CASD1: variants seen among roughly 807,000 people sequenced by gnomAD.
CASD1 encodes N-acetylneuraminate (7)9-O-acetyltransferase.
CASD1 carries 41 observed loss-of-function variants against 100.0 expected under a neutral mutation model. The observed-to-expected ratio is 0.41, with a 90% CI of 0.32 to 0.53. The LOEUF (loss-of-function observed/expected upper bound fraction) is 0.53, where lower values mean the gene tolerates loss of function less well. Among genes scored for constraint, CASD1 ranks in the 20% least tolerant of loss-of-function variants. The pLI is 0.25. For synonymous variants in CASD1, 321 were observed against 315.6 expected, an observed-to-expected ratio of 1.02 and a Z score of -0.18; for missense variants, 774 against 948.7, an observed-to-expected ratio of 0.82 and a Z score of 2.42.
Position 94,518,224 on chromosome 7 carries a change from A to G in CASD1, c.252A>G (p.Val84=), listed in dbSNP as rs1406935605. ...YKISEAKNCL[V]DKHIAFIGDS... is the part of the protein sequence containing the mutation. The stretch of plus-strand genomic sequence containing the variant: ...TCAGTGAAGCAAAGAACTGCCTTGT[A>G]GATAAACATATTGCATTTATTGGAG... The change falls in exon 3 of 18, where the codon GTA becomes GTG. Residue 84 remains valine (V), a synonymous_variant. Coordinates refer to ENST00000297273, the MANE Select transcript of CASD1 (RefSeq NM_022900.5). 1.3e-6 allele frequency: 2 copies of G among 1,562,192 alleles called. No homozygotes were observed. Among genetic ancestry groups the G allele is most frequent in the African/African-American group, 2.8e-5 (2 of 71,926 alleles).
the CASD1 span, among the ~76,000 whole-genome samples, chr7:94,595,487 T>C: frequency 2.0e-5 from 3 of 152,148 alleles, no homozygotes; most frequent in Admixed American, 2.0e-4. Context: ...TTAGTATGAA[T>C]GTGAAGATGA....
the CASD1 span, among the ~76,000 whole-genome samples, chr7:94,591,842 G>A: frequency 6.6e-6 from 1 of 152,102 alleles, no homozygotes; most frequent in Non-Finnish European, 1.5e-5. Context: ...CAAGAAATTC[G>A]GAGAAGATGC....
chr7:94,578,624 C>A, the CASD1 span, among the ~76,000 whole-genome samples: 3 of 152,178 alleles, frequency 2.0e-5, no homozygotes, highest in Admixed American at 6.6e-5. Flanking sequence ...GAGGTCTAAA[C>A]CCTGACCTGA....
intron 11 of CASD1, 143 bp from the exon 12 acceptor site, chr7:94,545,402 G>T: frequency 1.9e-6 from 1 of 515,156 alleles, no homozygotes. Flanking sequence ...TAATTTAAGG[G>T]ATTAGTAATA....
At chr7:94,523,933 G>A (rs1223116964) in intron 3 of CASD1, among the ~76,000 whole-genome samples, 1 of 152,074 alleles carries the variant, frequency 6.6e-6, no homozygotes, top group Admixed American at 6.6e-5. Context: ...TGCCATTGAT[G>A]ATCTCTAGGG....
chr7:94,513,535 T>C (rs969758659), intron 1 of CASD1, among the ~76,000 whole-genome samples: 2 of 152,188 alleles, frequency 1.3e-5, no homozygotes, highest in Non-Finnish European at 2.9e-5. Flanking sequence ...GACTTCTCTC[T>C]TGAAAGAAAA....
the CASD1 span, among the ~76,000 whole-genome samples, chr7:94,610,112 C>A: frequency 2.0e-3 from 309 of 152,252 alleles, no homozygotes; most frequent in Non-Finnish European, 3.4e-3. Context: ...TATGGAAAGG[C>A]TACAGACTAC....
intron 10 of CASD1, among the ~76,000 whole-genome samples, chr7:94,541,569 CCCTTGGAGAGTTTGTAAGTAACTT>C (rs1795404623): frequency 6.8e-5 from 2 of 29,526 alleles, no homozygotes; most frequent in African/African-American, 1.8e-4. Context: ...TTTTTTTTTG[CCCTTGGAGAGTTTGTAAGTAACTT>C]CCATGGAAAG....
the CASD1 span, chr7:94,627,654 C>T: frequency 6.5e-6 from 1 of 152,678 alleles, no homozygotes; most frequent in Admixed American, 6.5e-5. Flanking sequence ...TCTTTACCTT[C>T]TTACAACTCT....
the CASD1 span, chr7:94,629,757 T>A: frequency 3.7e-6 from 6 of 1,611,242 alleles, no homozygotes; most frequent in Non-Finnish European, 5.1e-6. Context: ...CTTAAAATAT[T>A]CTCTTTCCAA....
At chr7:94,605,602 A>T in the CASD1 span, among the ~76,000 whole-genome samples, 3 of 152,260 alleles carry the variant, frequency 2.0e-5, no homozygotes, top group African/African-American at 7.2e-5. Context: ...GTGTTATTTG[A>T]AAGTGAATTT....
At chr7:94,588,819 G>A in the CASD1 span, 14 of 1,492,664 alleles carry the variant, frequency 9.4e-6, no homozygotes, top group South Asian at 3.4e-5. Context: ...AAAACTTTAC[G>A]GGTAAACTAT....
chr7:94,587,041 G>T, the CASD1 span: 1 of 984,484 alleles, frequency 1.0e-6, no homozygotes, highest in Non-Finnish European at 1.2e-6. Flanking sequence ...AACTAAAAAG[G>T]AGAGCAAAGC....
intron 1 of CASD1, among the ~76,000 whole-genome samples, chr7:94,510,479 C>T (rs903647319): frequency 6.6e-6 from 1 of 152,210 alleles, no homozygotes; most frequent in Non-Finnish European, 1.5e-5. Context: ...GGCGCCAACC[C>T]TGGACCTGGC....
At chr7:94,531,622 A>G (rs1329391400) in intron 5 of CASD1, among the ~76,000 whole-genome samples, 1 of 152,162 alleles carries the variant, frequency 6.6e-6, no homozygotes, top group Non-Finnish European at 1.5e-5. Flanking sequence ...AGCATGCTCA[A>G]CTGGAAATGG....
chr7:94,574,392 G>A, the CASD1 span, among the ~76,000 whole-genome samples: 1 of 152,070 alleles, frequency 6.6e-6, no homozygotes, highest in Non-Finnish European at 1.5e-5. Context: ...ACTTATTACT[G>A]ATTCAGTTTT....
At chr7:94,623,229 G>A in the CASD1 span, 13 of 701,726 alleles carry the variant, frequency 1.9e-5, no homozygotes, top group Non-Finnish European at 2.7e-5. Context: ...TTAGGTATGT[G>A]GCATTTTAAA....
the CASD1 span, among the ~76,000 whole-genome samples, chr7:94,582,345 T>C: frequency 1.3e-5 from 2 of 152,144 alleles, no homozygotes; most frequent in South Asian, 4.1e-4. Flanking sequence ...CTTGAACTCC[T>C]TACTACCCCT....
intron 1 of CASD1, among the ~76,000 whole-genome samples, chr7:94,515,824 A>T (rs1023832888): frequency 6.6e-6 from 1 of 152,278 alleles, no homozygotes; most frequent in South Asian, 2.1e-4. Context: ...CAGCTTTTTT[A>T]AAAAATAGAT....
Sources: allele counts gnomAD v4.1 joint callset (sites outside exome capture counted in the v4.1 genomes callset), GRCh38; gene constraint gnomAD v4.1.1; transcripts MANE v1.5; gene names NCBI Gene and HGNC (gene_info 2026-07-23, HGNC 2026-07-21).